PRDM16: variants seen among roughly 807,000 people sequenced by gnomAD.
PRDM16 encodes the protein histone-lysine N-methyltransferase PRDM16.
A neutral mutation model predicts 110.6 loss-of-function variants in PRDM16; 23 were observed. The ratio of observed to expected loss-of-function variants is 0.21; its 90% CI spans 0.15 to 0.29. PRDM16 has a LOEUF of 0.29. Among genes scored for constraint, PRDM16 ranks in the 10% least tolerant of loss-of-function variants. The probability of loss-of-function intolerance (pLI) is 1.00; values close to 1 mark genes in which losing one functional copy is unlikely to be tolerated. For missense variants in PRDM16, 1,615 were observed against 1,794.3 expected (o/e 0.90, Z 1.81); for synonymous variants, 799 against 781.8 (o/e 1.02, Z -0.37).
intron 2 of PRDM16, among the ~76,000 whole-genome samples, chr1:3,240,211 AG>A (rs1456800526): frequency 1.3e-5 from 2 of 151,908 alleles, no homozygotes; most frequent in Non-Finnish European, 2.9e-5. Flanking sequence ...GCTGGAGTCC[AG>A]GAGTCCCAGC....
intron 1 of PRDM16, among the ~76,000 whole-genome samples, chr1:3,125,543 G>A (rs185567748): frequency 5.8e-4 from 88 of 152,382 alleles, no homozygotes; most frequent in South Asian, 1.0e-3. Flanking sequence ...CAGGCCTCTG[G>A]GGGGACCGGC....
intron 1 of PRDM16, among the ~76,000 whole-genome samples, chr1:3,087,259 T>G (rs141477611): frequency 5.4e-5 from 5 of 93,404 alleles, no homozygotes; most frequent in Admixed American, 1.5e-4. Context: ...CAGCCCCACC[T>G]GAGACCAGCC....
chr1:3,135,870 C>T (rs996621314), intron 1 of PRDM16, among the ~76,000 whole-genome samples: 1 of 152,254 alleles, frequency 6.6e-6, no homozygotes, highest in Admixed American at 6.5e-5. Context: ...TGAGACTCCT[C>T]TTCAATGCTC....
chr1:3,098,698 C>G (rs976075118), intron 1 of PRDM16, among the ~76,000 whole-genome samples: 1 of 152,216 alleles, frequency 6.6e-6, no homozygotes, highest in Non-Finnish European at 1.5e-5. Flanking sequence ...GAGGTCTACA[C>G]GGGGGTGCTG....
intron 1 of PRDM16, among the ~76,000 whole-genome samples, chr1:3,122,893 C>A (rs943560837): frequency 2.6e-5 from 4 of 152,218 alleles, no homozygotes; most frequent in African/African-American, 9.7e-5. Flanking sequence ...CAAATTCAAA[C>A]CAGGACTGGA....
chr1:3,217,695 C>A (rs928573058), intron 2 of PRDM16, among the ~76,000 whole-genome samples: 2 of 152,222 alleles, frequency 1.3e-5, no homozygotes, highest in African/African-American at 4.8e-5. Flanking sequence ...GGGGCCAGGT[C>A]CCCGTGCCGT....
chr1:3,292,032 G>A (rs938110598), intron 3 of PRDM16, among the ~76,000 whole-genome samples: 5 of 152,220 alleles, frequency 3.3e-5, no homozygotes, highest in Admixed American at 1.3e-4. Flanking sequence ...GGGCTTGGCC[G>A]CAGGACCCCG....
chr1:3,259,032 G>A (rs1488613723), intron 3 of PRDM16, among the ~76,000 whole-genome samples: 2 of 152,224 alleles, frequency 1.3e-5, no homozygotes, highest in Admixed American at 6.5e-5. Flanking sequence ...GCAGAGGCGG[G>A]AGCAAAAGGG....
intron 1 of PRDM16, among the ~76,000 whole-genome samples, chr1:3,161,439 C>T (rs569988856): frequency 6.6e-6 from 1 of 152,166 alleles, no homozygotes; most frequent in Non-Finnish European, 1.5e-5. Flanking sequence ...ATTAGCGGGT[C>T]GGGCAATGGC....
intron 2 of PRDM16, among the ~76,000 whole-genome samples, chr1:3,231,451 G>T (rs1390240700): frequency 1.1e-5 from 1 of 89,558 alleles, no homozygotes; most frequent in Non-Finnish European, 1.9e-5. Context: ...CGTCCCCCTG[G>T]GGCATCTGCC....
At chr1:3,253,648 G>GA (rs1639988869) in intron 3 of PRDM16, among the ~76,000 whole-genome samples, 1 of 152,060 alleles carries the variant, frequency 6.6e-6, no homozygotes. Flanking sequence ...TTGCTATTGT[G>GA]AACAGTGCTG....
intron 1 of PRDM16, among the ~76,000 whole-genome samples, chr1:3,178,928 A>G (rs1296669947): frequency 1.3e-5 from 2 of 152,034 alleles, no homozygotes; most frequent in Non-Finnish European, 2.9e-5. Context: ...GGTCCACCCA[A>G]CCTCTAAAAC....
chr1:3,199,048 C>G (rs977131851), intron 2 of PRDM16, among the ~76,000 whole-genome samples: 2 of 152,148 alleles, frequency 1.3e-5, no homozygotes, highest in Non-Finnish European at 2.9e-5. Flanking sequence ...TAGAAGCGGC[C>G]TTGTTTCCCT....
chr1:3,297,944 A>T (rs558575653), intron 3 of PRDM16, among the ~76,000 whole-genome samples: 4 of 151,684 alleles, frequency 2.6e-5, no homozygotes, highest in Middle Eastern at 3.4e-3. Flanking sequence ...ACTGCATGGC[A>T]AGCTCCGCAG....
chr1:3,397,744 G>C (rs1339877101), intron 5 of PRDM16, among the ~76,000 whole-genome samples: 1 of 152,342 alleles, frequency 6.6e-6, no homozygotes, highest in Middle Eastern at 3.4e-3. Context: ...CCAAGGCTTA[G>C]TGATTAATGC....
chr1:3,410,721 GC>G, intron 8 of PRDM16, among the ~76,000 whole-genome samples: 1 of 152,302 alleles, frequency 6.6e-6, no homozygotes, highest in South Asian at 2.1e-4. Flanking sequence ...TCAGCGTCCT[GC>G]CCCCACCCCT....
intron 3 of PRDM16, among the ~76,000 whole-genome samples, chr1:3,249,061 G>C (rs1024339878): frequency 2.0e-5 from 3 of 152,252 alleles, no homozygotes; most frequent in Non-Finnish European, 2.9e-5. Flanking sequence ...CAGGCAGTTT[G>C]TGAGCAGGAT....
chr1:3,324,093 G>A (rs1641830382), intron 3 of PRDM16, among the ~76,000 whole-genome samples: 1 of 152,172 alleles, frequency 6.6e-6, no homozygotes, highest in African/African-American at 2.4e-5. Context: ...GGACACTCCT[G>A]CCAGCCAGAG....
chr1:3,125,430 C>T (rs1032118656), intron 1 of PRDM16, among the ~76,000 whole-genome samples: 1 of 152,262 alleles, frequency 6.6e-6, no homozygotes, highest in South Asian at 2.1e-4. Flanking sequence ...TAGCCACTGT[C>T]ATCGCCAGGG....
Sources: allele counts gnomAD v4.1 joint callset (sites outside exome capture counted in the v4.1 genomes callset), GRCh38; gene constraint gnomAD v4.1.1; transcripts MANE v1.5; gene names NCBI Gene and HGNC (gene_info 2026-07-23, HGNC 2026-07-21).